WDFY4: variants seen among roughly 807,000 people sequenced by gnomAD.
The protein encoded by WDFY4 is WD repeat- and FYVE domain-containing protein 4.
In WDFY4, 169 loss-of-function variants were observed where a neutral mutation model predicts 351.9. The ratio of observed to expected loss-of-function variants is 0.48; its 90% CI spans 0.42 to 0.55. The LOEUF (loss-of-function observed/expected upper bound fraction) is 0.55, where lower values mean the gene tolerates loss of function less well. Ranked by LOEUF, WDFY4 falls within the 20% of genes least tolerant of loss-of-function variation. The pLI is 0.00. For missense variants in WDFY4, 3,803 were observed against 3,935.6 expected, an observed-to-expected ratio of 0.97 and a Z score of 0.90; for synonymous variants, 1,622 against 1,574.6, an observed-to-expected ratio of 1.03 and a Z score of -0.71.
chr10:48,898,736 G>A (rs1158201066), intron 45 of WDFY4, among the ~76,000 whole-genome samples: 1 of 152,194 alleles, frequency 6.6e-6, no homozygotes, highest in Non-Finnish European at 1.5e-5. Flanking sequence ...CTGCAACACA[G>A]TTAGTTCTCA....
intron 44 of WDFY4, among the ~76,000 whole-genome samples, chr10:48,894,253 A>G (rs1008292210): frequency 2.6e-5 from 4 of 152,018 alleles, no homozygotes; most frequent in Non-Finnish European, 5.9e-5. Context: ...GCATTCTTCC[A>G]TATGTCATCT....
chr10:48,836,321 C>T (rs1008456696), intron 39 of WDFY4, among the ~76,000 whole-genome samples: 4 of 152,126 alleles, frequency 2.6e-5, no homozygotes, highest in African/African-American at 4.8e-5. Flanking sequence ...CCTAAATATG[C>T]CCACATCATT....
intron 47 of WDFY4, among the ~76,000 whole-genome samples, chr10:48,938,321 C>T (rs767481397): frequency 6.6e-6 from 1 of 152,266 alleles, no homozygotes; most frequent in Non-Finnish European, 1.5e-5. Context: ...TACACCTAGC[C>T]TCCTAGTGCC....
At chr10:48,858,417 T>G (rs1305271703) in intron 39 of WDFY4, among the ~76,000 whole-genome samples, 1 of 152,234 alleles carries the variant, frequency 6.6e-6, no homozygotes, top group Non-Finnish European at 1.5e-5. Context: ...TTAGGTTCAT[T>G]TTTTGGGCAA....
chr10:48,730,151 C>G (rs77569286), intron 8 of WDFY4, among the ~76,000 whole-genome samples: 1,800 of 152,324 alleles, frequency 0.012, 41 homozygotes, highest in African/African-American at 0.04. Context: ...GAACAGAGGG[C>G]CTGCCGGAGG....
chr10:48,964,362 T>C (rs1397126369), intron 54 of WDFY4, among the ~76,000 whole-genome samples: 1 of 152,248 alleles, frequency 6.6e-6, no homozygotes, highest in African/African-American at 2.4e-5. Context: ...TTGTATCCAA[T>C]GACTTAAGAC....
intron 47 of WDFY4, chr10:48,913,822 C>A: frequency 1.9e-6 from 3 of 1,614,018 alleles, no homozygotes; most frequent in Non-Finnish European, 2.5e-6. Flanking sequence ...ACGGGCAGCC[C>A]GTTGCTGGTC....
chr10:48,807,425 C>T (rs2067294559), intron 27 of WDFY4, among the ~76,000 whole-genome samples: 1 of 152,180 alleles, frequency 6.6e-6, no homozygotes, highest in African/African-American at 2.4e-5. Flanking sequence ...GTAGCATAGA[C>T]ATCCAAAAGC....
chr10:48,911,000 T>G (rs1303667720), intron 47 of WDFY4: 2 of 695,414 alleles, frequency 2.9e-6, no homozygotes, highest in African/African-American at 3.9e-5. Context: ...GAAATTGAAA[T>G]GGAAAGTCAT....
chr10:48,699,949 G>A (rs749975727), intron 1 of WDFY4, among the ~76,000 whole-genome samples: 69 of 152,160 alleles, frequency 4.5e-4, no homozygotes, highest in Non-Finnish European at 8.2e-4. Context: ...ACTCTTCAGA[G>A]GTATAAATTC....
At chr10:48,960,702 C>CCA (rs988275174) in intron 53 of WDFY4, among the ~76,000 whole-genome samples, 5 of 151,984 alleles carry the variant, frequency 3.3e-5, no homozygotes, top group African/African-American at 7.3e-5. Context: ...AATGATATAT[C>CCA]CACACACACA....
intron 53 of WDFY4, among the ~76,000 whole-genome samples, chr10:48,963,065 C>T (rs368462189): frequency 3.3e-4 from 51 of 152,278 alleles, no homozygotes; most frequent in African/African-American, 1.2e-3. Flanking sequence ...AGACTGGATG[C>T]CCCCTGTGAG....
chr10:48,957,539 T>C (rs1000612002), intron 52 of WDFY4, among the ~76,000 whole-genome samples: 5 of 152,230 alleles, frequency 3.3e-5, no homozygotes, highest in African/African-American at 1.2e-4. Context: ...CAGGTCTCAG[T>C]TGGCAGTGAG....
chr10:48,810,917 C>T (rs1227213644), intron 29 of WDFY4, among the ~76,000 whole-genome samples, 182 bp downstream of exon 29: 2 of 152,254 alleles, frequency 1.3e-5, no homozygotes, highest in East Asian at 1.9e-4. Flanking sequence ...TTTGCAGGAT[C>T]CCCCGCAGCC....
At chr10:48,800,831 C>T (rs2067063910) in intron 24 of WDFY4, among the ~76,000 whole-genome samples, 1 of 150,612 alleles carries the variant, frequency 6.6e-6, no homozygotes, top group African/African-American at 2.5e-5. Flanking sequence ...CTCCCAGGTT[C>T]AAGTAATTCT....
intron 16 of WDFY4, 86 bp from the exon 17 acceptor site, chr10:48,777,333 G>A: frequency 8.0e-7 from 1 of 1,253,572 alleles, no homozygotes; most frequent in South Asian, 1.3e-5. Flanking sequence ...AGGGTAGAGT[G>A]GGAAGATGTC....
Position 48,785,102 on chromosome 10 carries a change from C to T in WDFY4, c.3577-1537C>T, listed in dbSNP as rs1436852263. On this transcript the variant is annotated intron_variant, in intron 19 of 61. Coordinates refer to ENST00000325239, the MANE Select transcript of WDFY4 (RefSeq NM_001394531.1). ...GTCTCGATCTCCTGACCTCGTGATC[C>T]GCCTGCCTCGGCCTCCCAAAGTGCT... 7.4e-5 allele frequency among the ~76,000 whole-genome samples: 11 copies of T among 148,754 alleles called. No homozygotes were observed. The East Asian group carries it at 8.1e-4, about 11-fold the overall frequency.
chr10:48,723,360 C>T lies in WDFY4; in HGVS notation c.457-73C>T. The T allele has an allele frequency of 6.6e-6, 10 of 1,509,418 alleles. No individual in the cohort carries two copies. In the South Asian group the frequency reaches 1.0e-4, roughly 15 times the overall value. The allele number at this position is 1,509,418 out of a possible 1,614,324, so 93.5% of individuals were successfully genotyped here. A position where few individuals can be genotyped will look rare whatever the true frequency, so the allele number is the denominator to read the frequency against. Reference sequence around the variant, plus strand: ...GGCCTCACTGAAATGGCTGCAGGGGCCTGATCCTGGGTCTGGGCTGACCTG... The same window carrying T: ...GGCCTCACTGAAATGGCTGCAGGGGTCTGATCCTGGGTCTGGGCTGACCTG... On this transcript the variant is annotated intron_variant, in intron 4 of 61. Coordinates refer to ENST00000325239, the MANE Select transcript of WDFY4 (RefSeq NM_001394531.1).
intron 12 of WDFY4, chr10:48,745,798 T>G (rs2064992789): frequency 2.5e-6 from 1 of 405,172 alleles, no homozygotes; most frequent in African/African-American, 2.1e-5. Context: ...CATCTAGTTT[T>G]CCTGCTGTAG....
Sources: gnomAD v4.1 joint callset for allele counts (sites outside exome capture counted in the v4.1 genomes callset) on GRCh38, gnomAD v4.1.1 for gene constraint, MANE v1.5 for transcripts, NCBI Gene and HGNC (gene_info 2026-07-23, HGNC 2026-07-21) for gene names.